DNAJB6: variants seen among roughly 807,000 people sequenced by gnomAD.
The protein encoded by DNAJB6 is dnaJ homolog subfamily B member 6.
DNAJB6 carries 16 observed loss-of-function variants against 42.7 expected under a neutral mutation model. The observed-to-expected ratio is 0.37, with a 90% CI of 0.25 to 0.57. The LOEUF (loss-of-function observed/expected upper bound fraction) is 0.57. Among genes scored for constraint, DNAJB6 ranks in the 20% least tolerant of loss-of-function variants. The pLI, the probability that DNAJB6 is intolerant of heterozygous loss-of-function variation, is 0.74. For synonymous variants in DNAJB6, 170 were observed against 163.5 expected (o/e 1.04, Z -0.30); for missense variants, 347 against 416.8 (o/e 0.83, Z 1.46).
chr7:157,404,795 C>A (rs576192023), intron 8 of DNAJB6, among the ~76,000 whole-genome samples: 21 of 151,918 alleles, frequency 1.4e-4, no homozygotes, highest in Non-Finnish European at 2.5e-4. Context: ...CGTGAGCCAC[C>A]GTGCCTGGCC....
chr7:157,358,670 T>C, intron 2 of DNAJB6, 33 bp downstream of exon 2: 1 of 1,525,836 alleles, frequency 6.6e-7, no homozygotes, highest in South Asian at 1.1e-5. Context: ...TAATGCATTT[T>C]CACAGTGGTA....
intron 1 of DNAJB6, among the ~76,000 whole-genome samples, chr7:157,350,702 T>TC (rs1183300036): frequency 6.6e-6 from 1 of 151,756 alleles, no homozygotes; most frequent in East Asian, 1.9e-4. Context: ...TTTTTTATTT[T>TC]TTTTTGAGAT....
chr7:157,363,912 G>T (rs565826033), intron 3 of DNAJB6, among the ~76,000 whole-genome samples: 137 of 152,170 alleles, frequency 9.0e-4, no homozygotes, highest in African/African-American at 2.8e-3. Context: ...GGGGCCTGGG[G>T]TGGGGGAACA....
At chr7:157,404,502 G>C (rs1441914990) in intron 8 of DNAJB6, among the ~76,000 whole-genome samples, 8 of 126,090 alleles carry the variant, frequency 6.3e-5, no homozygotes, top group Admixed American at 5.6e-4. Context: ...GATGGGGTCT[G>C]TCTTTTTTCT....
chr7:157,412,085 T>C (rs999754327), intron 9 of DNAJB6: 2 of 152,224 alleles, frequency 1.3e-5, no homozygotes, highest in Non-Finnish European at 2.9e-5. Flanking sequence ...CCATCAAAGA[T>C]TTAAAGACGT....
At chr7:157,374,729 T>C (rs1038917436) in intron 5 of DNAJB6, among the ~76,000 whole-genome samples, 4 of 152,182 alleles carry the variant, frequency 2.6e-5, no homozygotes, top group Non-Finnish European at 5.9e-5. Flanking sequence ...ACGGTCATTT[T>C]GAGAATTTTC....
intron 5 of DNAJB6, among the ~76,000 whole-genome samples, chr7:157,375,388 T>C (rs1180989450): frequency 2.0e-5 from 3 of 152,194 alleles, no homozygotes; most frequent in African/African-American, 7.2e-5. Context: ...TAGAATAATT[T>C]GATTGCAGTG....
chr7:157,402,462 CAG>C (rs1375055989), intron 8 of DNAJB6, among the ~76,000 whole-genome samples: 1 of 152,198 alleles, frequency 6.6e-6, no homozygotes, highest in Non-Finnish European at 1.5e-5. Flanking sequence ...CGTGGGGTGA[CAG>C]GGTTGCCTGT....
intron 5 of DNAJB6, chr7:157,378,224 T>C (rs1800569557): frequency 6.6e-6 from 1 of 152,224 alleles, no homozygotes; most frequent in African/African-American, 2.4e-5. Flanking sequence ...GGCACCTCAC[T>C]GGTTGTGGTT....
chr7:157,392,396 GACTT>G (rs1801391467), intron 8 of DNAJB6, among the ~76,000 whole-genome samples: 1 of 147,012 alleles, frequency 6.8e-6, no homozygotes, highest in Non-Finnish European at 1.5e-5. Flanking sequence ...TTGTTCACGT[GACTT>G]ACTGTGTGGT....
intron 8 of DNAJB6, among the ~76,000 whole-genome samples, chr7:157,401,820 C>T (rs926127695): frequency 1.3e-5 from 2 of 152,272 alleles, no homozygotes; most frequent in Admixed American, 6.5e-5. Context: ...GCAGCAGCGG[C>T]CCTCCTGCCG....
chr7:157,412,898 G>A (rs527869609), intron 9 of DNAJB6: 1 of 152,344 alleles, frequency 6.6e-6, no homozygotes, highest in African/African-American at 2.4e-5. Flanking sequence ...GCTCTCACTT[G>A]AGATGCACCC....
chr7:157,402,930 G>A (rs1324209193), intron 8 of DNAJB6, among the ~76,000 whole-genome samples: 6 of 152,162 alleles, frequency 3.9e-5, no homozygotes, highest in African/African-American at 1.2e-4. Context: ...ATCTGAGACC[G>A]TCTCAGTCAG....
chr7:157,365,745 A>G (rs1799810575), intron 3 of DNAJB6, among the ~76,000 whole-genome samples: 3 of 152,102 alleles, frequency 2.0e-5, no homozygotes, highest in Admixed American at 6.6e-5. Context: ...GCTCACTGCA[A>G]CTTCTGCCTC....
At position 157,382,361 on chromosome 7, in the gene DNAJB6, T is replaced by G; in HGVS notation, c.462T>G (p.Phe154Leu). The G allele has an allele frequency of 1.2e-6, 2 of 1,610,366 alleles. No homozygotes were observed. The highest frequency in any genetic ancestry group is 2.2e-5 in the South Asian group (2 of 90,532). ...GATTTCCGTCTTTTGGAAGTGGATTTTCTTCTTTTGATACAGGTATTAAAT... is the reference window on the plus strand; with the variant it reads ...GATTTCCGTCTTTTGGAAGTGGATTGTCTTCTTTTGATACAGGTATTAAAT... ...FSGFPSFGSGFSSFDTGFTSF... is the reference protein window; with the variant it reads ...FSGFPSFGSGLSSFDTGFTSF... The change falls in exon 6 of 10, where the codon TTT (phenylalanine) becomes TTG (leucine). Residue 154 changes from phenylalanine to leucine, a missense_variant. By Grantham distance (22) the Phe-to-Leu change is conservative. Coordinates refer to ENST00000262177, the MANE Select transcript of DNAJB6 (RefSeq NM_058246.4).
intron 6 of DNAJB6, among the ~76,000 whole-genome samples, chr7:157,383,700 A>G (rs1800908826): frequency 6.6e-6 from 1 of 151,866 alleles, no homozygotes. Flanking sequence ...CACAAGAATA[A>G]ATACTTAGCG....
intron 5 of DNAJB6, chr7:157,379,171 T>G (rs904479173): frequency 1.3e-5 from 2 of 152,216 alleles, no homozygotes; most frequent in Non-Finnish European, 2.9e-5. Flanking sequence ...GATGATGATA[T>G]AATTATGAAT....
intron 8 of DNAJB6, among the ~76,000 whole-genome samples, chr7:157,399,902 C>T (rs1801767979): frequency 6.6e-6 from 1 of 152,184 alleles, no homozygotes. Flanking sequence ...ATCCTGACCT[C>T]AGGTGATCTG....
At chr7:157,370,398 A>G (rs1800149050) in intron 5 of DNAJB6, among the ~76,000 whole-genome samples, 1 of 152,168 alleles carries the variant, frequency 6.6e-6, no homozygotes, top group South Asian at 2.1e-4. Context: ...TAACATTATT[A>G]TTAAATGGGC....
Sources: allele counts gnomAD v4.1 joint callset (sites outside exome capture counted in the v4.1 genomes callset), GRCh38; gene constraint gnomAD v4.1.1; transcripts MANE v1.5; gene names NCBI Gene and HGNC (gene_info 2026-07-23, HGNC 2026-07-21).